The following PCDH15 variants were observed in gnomAD, a reference collection of about 807,000 sequenced individuals.
PCDH15 encodes protocadherin-15.
Under a neutral mutation model 178.5 loss-of-function variants are expected in PCDH15, and 129 were observed. The ratio of observed to expected loss-of-function variants is 0.72; its 90% CI spans 0.63 to 0.84. The LOEUF is 0.84. Among genes scored for constraint, PCDH15 ranks in the 40% least tolerant of loss-of-function variants. The probability of loss-of-function intolerance (pLI) is 0.00; values close to 1 mark genes in which losing one functional copy is unlikely to be tolerated. For missense variants in PCDH15, 2,230 were observed against 2,099.9 expected, an observed-to-expected ratio of 1.06 and a Z score of -1.21; for synonymous variants, 800 against 732.0, an observed-to-expected ratio of 1.09 and a Z score of -1.50.
chr10:54,753,672 A>G (rs929005513), intron 1 of PCDH15, among the ~76,000 whole-genome samples: 19 of 152,148 alleles, frequency 1.2e-4, no homozygotes, highest in African/African-American at 4.3e-4. Context: ...ATATGTGAAA[A>G]TGGTCTGAAA....
At chr10:54,177,702 A>C (rs2133724344) in intron 13 of PCDH15, among the ~76,000 whole-genome samples, 1 of 152,312 alleles carries the variant, frequency 6.6e-6, no homozygotes, top group Admixed American at 6.5e-5. Flanking sequence ...AGGGAAAACA[A>C]ACAAGACTGC....
intron 2 of PCDH15, among the ~76,000 whole-genome samples, chr10:55,553,853 A>C (rs1842042280): frequency 6.6e-6 from 1 of 151,920 alleles, no homozygotes; most frequent in African/African-American, 2.4e-5. Context: ...GACGATGCTG[A>C]TATCTATACG....
At chr10:53,933,635 T>C (rs868646809) in intron 25 of PCDH15, among the ~76,000 whole-genome samples, 202 of 152,354 alleles carry the variant, frequency 1.3e-3, no homozygotes, top group African/African-American at 4.1e-3. Flanking sequence ...AATAAACATA[T>C]GTGTGCATGT....
chr10:53,968,185 C>A (rs185344892), intron 21 of PCDH15, among the ~76,000 whole-genome samples: 2 of 152,198 alleles, frequency 1.3e-5, no homozygotes, highest in Non-Finnish European at 2.9e-5. Context: ...TCTTAGCAAA[C>A]GGCCCACCAG....
intron 2 of PCDH15, among the ~76,000 whole-genome samples, chr10:55,022,047 G>T (rs1840343821): frequency 6.6e-6 from 1 of 152,148 alleles, no homozygotes; most frequent in African/African-American, 2.4e-5. Context: ...AGTGGGGCAG[G>T]GGAATGGGAA....
At chr10:55,206,822 A>G (rs1004716735) in intron 1 of PCDH15, among the ~76,000 whole-genome samples, 4 of 152,126 alleles carry the variant, frequency 2.6e-5, no homozygotes, top group African/African-American at 7.2e-5. Context: ...TTATTGCCTG[A>G]ATAAATAATT....
At chr10:53,912,895 C>A (rs1415819832) in intron 25 of PCDH15, among the ~76,000 whole-genome samples, 1 of 152,122 alleles carries the variant, frequency 6.6e-6, no homozygotes, top group East Asian at 1.9e-4. Flanking sequence ...CAATGCCATC[C>A]CCATCAATCG....
chr10:54,611,129 A>G (rs2092946952), intron 2 of PCDH15, among the ~76,000 whole-genome samples: 1 of 151,820 alleles, frequency 6.6e-6, no homozygotes, highest in Non-Finnish European at 1.5e-5. Context: ...TTTTTCTTAC[A>G]ATTGAAAAGA....
intron 5 of PCDH15, among the ~76,000 whole-genome samples, chr10:54,362,387 A>T (rs778131259): frequency 2.0e-5 from 3 of 152,084 alleles, no homozygotes; most frequent in Non-Finnish European, 4.4e-5. Flanking sequence ...AAGACATTTA[A>T]CCTGGTAAGC....
chr10:54,141,085 C>A (rs1208164983), intron 14 of PCDH15, among the ~76,000 whole-genome samples: 1 of 150,718 alleles, frequency 6.6e-6, no homozygotes, highest in African/African-American at 2.4e-5. Context: ...CATAGGTATA[C>A]ATATATGTAT....
At chr10:54,378,123 C>A (rs1377284881) in intron 4 of PCDH15, among the ~76,000 whole-genome samples, 2 of 151,874 alleles carry the variant, frequency 1.3e-5, no homozygotes, top group Non-Finnish European at 2.9e-5. Flanking sequence ...CAGAGTCTTA[C>A]TCTATTTGCC....
intron 2 of PCDH15, among the ~76,000 whole-genome samples, chr10:54,576,134 TCCA>T (rs2090454973): frequency 5.4e-5 from 1 of 18,688 alleles, no homozygotes; most frequent in Non-Finnish European, 3.5e-4. Flanking sequence ...TACGTATGTA[TCCA>T]TCTATCTATC....
chr10:54,259,681 A>G (rs757222759), intron 8 of PCDH15, among the ~76,000 whole-genome samples: 30 of 152,180 alleles, frequency 2.0e-4, no homozygotes, highest in Non-Finnish European at 3.7e-4. Context: ...ATTACTATGG[A>G]TTAGTTCTCT....
intron 2 of PCDH15, among the ~76,000 whole-genome samples, chr10:54,633,231 A>G (rs1421379114): frequency 6.6e-6 from 1 of 152,114 alleles, no homozygotes; most frequent in Non-Finnish European, 1.5e-5. Context: ...CAGGGAGCAA[A>G]TTAAAGAGTA....
At chr10:54,762,732 A>C (rs959788491) in intron 1 of PCDH15, among the ~76,000 whole-genome samples, 4 of 152,130 alleles carry the variant, frequency 2.6e-5, no homozygotes, top group Non-Finnish European at 4.4e-5. Flanking sequence ...TTTAAATTGA[A>C]CATTTATGAA....
At chr10:55,414,929 C>T (rs1838440030) in intron 2 of PCDH15, among the ~76,000 whole-genome samples, 1 of 151,258 alleles carries the variant, frequency 6.6e-6, no homozygotes, top group Non-Finnish European at 1.5e-5. Flanking sequence ...TTTTTATTGT[C>T]TAATTGTTCT....
intron 3 of PCDH15, among the ~76,000 whole-genome samples, chr10:54,861,142 T>C (rs369800419): frequency 3.9e-5 from 6 of 152,208 alleles, no homozygotes; most frequent in African/African-American, 1.2e-4. Context: ...AAATTCAGTC[T>C]CCCTTGTAAT....
intron 18 of PCDH15, among the ~76,000 whole-genome samples, chr10:54,039,326 G>A (rs563618759): frequency 1.4e-4 from 21 of 151,846 alleles, no homozygotes; most frequent in African/African-American, 3.9e-4. Context: ...AAGATGAGCT[G>A]GACATAATTT....
At chr10:54,208,561 T>C (rs2051066662) in intron 10 of PCDH15, among the ~76,000 whole-genome samples, 1 of 151,960 alleles carries the variant, frequency 6.6e-6, no homozygotes, top group Non-Finnish European at 1.5e-5. Flanking sequence ...CAAACAGAAT[T>C]TGGCAATCTG....
Sources: allele counts gnomAD v4.1 joint callset (sites outside exome capture counted in the v4.1 genomes callset), GRCh38; gene constraint gnomAD v4.1.1; transcripts MANE v1.5; gene names NCBI Gene and HGNC (gene_info 2026-07-23, HGNC 2026-07-21).